Variants in HUWE1 observed in about 807,000 individuals in gnomAD.
The protein encoded by HUWE1 is HECT, UBA and WWE domain containing E3 ubiquitin protein ligase 1, also known as E3 ubiquitin-protein ligase HUWE1.
HUWE1 carries 18 observed loss-of-function variants against 299.4 expected under a neutral mutation model. The observed-to-expected ratio is 0.06, with a 90% CI of 0.04 to 0.09. The LOEUF is 0.09. Ranked by LOEUF, HUWE1 falls within the 10% of genes least tolerant of loss-of-function variation. The probability of loss-of-function intolerance (pLI) is 1.00; values close to 1 mark genes in which losing one functional copy is unlikely to be tolerated. For synonymous variants in HUWE1, 1,317 were observed against 1,286.1 expected (o/e 1.02, Z -0.51); for missense variants, 1,832 against 3,462.3 (o/e 0.53, Z 11.82).
chrX:53,669,892 A>AGTATT (rs2069431913), intron 3 of HUWE1, among the ~76,000 whole-genome samples: 1 of 112,397 alleles, frequency 8.9e-6, no homozygotes, highest in Non-Finnish European at 1.9e-5. Flanking sequence ...CTTAACTATA[A>AGTATT]TGCTAAAAGG....
chrX:53,587,008 T>C (rs879969376), intron 37 of HUWE1, 99 bp from the exon 38 acceptor site: 6 of 944,125 alleles, frequency 6.4e-6, no homozygotes, highest in East Asian at 3.2e-5. Context: ...TAAGGGTAAA[T>C]AATAATAGAA....
At position 53,580,861 on chromosome X, in the gene HUWE1, C is replaced by T. The variant is rs782329196; in HGVS notation, c.5686G>A (p.Ala1896Thr). 3.3e-6 allele frequency: 4 copies of T among 1,211,092 alleles called. No individual in the cohort carries two copies. The highest frequency in any genetic ancestry group is 4.5e-6 in the Non-Finnish European group (4 of 895,290). Reference protein sequence around the residue: ...TEVANCCIRIALPAPRGSGTA... With the variant: ...TEVANCCIRITLPAPRGSGTA... ...CCTGAGCCTCGAGGGGCAGGAAGGG[C>T]GATGCGGATACAGCAGTTGGCCACT... The change falls in exon 43 of 84, where the codon GCC becomes ACC. Residue 1896 changes from alanine (A) to threonine (T), a missense_variant. By Grantham distance (58) the Ala-to-Thr change is moderately conservative. Coordinates refer to ENST00000262854, the MANE Select transcript of HUWE1 (RefSeq NM_031407.7).
rs781887564 is a variant in HUWE1 at position 53,642,290 on chromosome X, T to G, written c.504+3021A>C. Among the ~76,000 whole-genome samples the G allele has an allele frequency of 4.5e-5, 5 of 112,263 alleles. No individual in the cohort carries two copies. The South Asian group carries it at 1.8e-3, about 41-fold the overall frequency. On this transcript the variant is annotated intron_variant, in intron 7 of 83. Transcript: ENST00000262854. Reference sequence around the variant, plus strand: ...TTTCTTGAAACTATATGTTGCATTGTGTACATCTTTTTAAGTTTCAGAAAT... The same window carrying G: ...TTTCTTGAAACTATATGTTGCATTGGGTACATCTTTTTAAGTTTCAGAAAT...
rs1238329198 is a variant in HUWE1, at chrX:53,578,789, G to A, written c.5717-1722C>T. Reference sequence around the variant, plus strand: ...ACCCCTCTGCCCGGCCAGCCGCCCCGTCTGGGAGGGAGGTGGGGGGGGGTC... The same window carrying A: ...ACCCCTCTGCCCGGCCAGCCGCCCCATCTGGGAGGGAGGTGGGGGGGGGTC... On this transcript the variant is annotated intron_variant, in intron 43 of 83. Transcript: ENST00000262854. Among the ~76,000 whole-genome samples, 27 of 66,728 alleles carry A rather than the reference G, an allele frequency of 4.0e-4. 2 individuals carry two copies. Among genetic ancestry groups the A allele is most frequent in the Non-Finnish European group, 8.3e-5 (3 of 36,190 alleles). The allele number at this position is 66,728 out of a possible 115,157, so 57.9% of individuals were successfully genotyped here.
intron 3 of HUWE1, among the ~76,000 whole-genome samples, chrX:53,679,172 A>AG (rs1291629672): frequency 1.8e-5 from 2 of 111,138 alleles, no homozygotes; most frequent in Admixed American, 1.9e-4. Context: ...ATAAATTGGA[A>AG]GAAAAAAAAA....
rs371788111 is a variant in HUWE1 at position 53,604,051 on chromosome X, G to A, written c.2742+538C>T. 3.9e-4 allele frequency among the ~76,000 whole-genome samples: 43 copies of A among 111,445 alleles called. 1 individual carries two copies. In the South Asian group the frequency reaches 0.016, roughly 40 times the overall value. On this transcript the variant is annotated intron_variant, in intron 26 of 83. Transcript: ENST00000262854. Reference sequence around the variant, plus strand: ...ACAGAGAACACACTCCTGCTCAATAGCATAAAACAGGGCTGTTGAACCCTG... The same window carrying A: ...ACAGAGAACACACTCCTGCTCAATAACATAAAACAGGGCTGTTGAACCCTG...
intron 28 of HUWE1, among the ~76,000 whole-genome samples, chrX:53,601,404 G>A (rs1322435626): frequency 9.1e-6 from 1 of 109,951 alleles, no homozygotes; most frequent in Non-Finnish European, 1.9e-5. Flanking sequence ...AGCGGGTCTC[G>A]AACTCCTGGG....
intron 60 of HUWE1, among the ~76,000 whole-genome samples, chrX:53,555,636 CTTT>C: frequency 1.3e-5 from 1 of 75,251 alleles, no homozygotes; most frequent in African/African-American, 5.1e-5. Flanking sequence ...CCTTCAAAAT[CTTT>C]TTTTTTTTTT....
At chrX:53,599,743 G>C (rs1030541749) in intron 29 of HUWE1, among the ~76,000 whole-genome samples, 1 of 112,198 alleles carries the variant, frequency 8.9e-6, no homozygotes, top group Non-Finnish European at 1.9e-5. Context: ...AGATGGAGAT[G>C]GTGGGTCAAC....
At chrX:53,648,500 T>TC (rs2068219198) in intron 4 of HUWE1, among the ~76,000 whole-genome samples, 190 bp from the exon 5 acceptor site, 1 of 101,231 alleles carries the variant, frequency 9.9e-6, no homozygotes, top group Non-Finnish European at 1.9e-5. Context: ...ATGCTTTTAT[T>TC]CCCCCAACAA....
chrX:53,629,837 T>A (rs782352185), intron 12 of HUWE1, among the ~76,000 whole-genome samples: 1 of 112,447 alleles, frequency 8.9e-6, no homozygotes, highest in South Asian at 3.6e-4. Flanking sequence ...CTAAAGGTAT[T>A]ATTAGTCTTG....
chrX:53,575,699 G>A lies in HUWE1; in HGVS notation c.5974C>T (p.Arg1992Trp), dbSNP rs782650278. 4 of 1,208,974 alleles carry A rather than the reference G, an allele frequency of 3.3e-6. No individual in the cohort carries two copies. Among genetic ancestry groups the A allele is most frequent in the African/African-American group, 1.7e-5 (1 of 57,267 alleles). ...DMGDDVYQQY[R>W]SLTRQSSDFD... Reference sequence around the variant, plus strand: ...TCACTGCTCTGACGCGTAAGTGACCGGTACTGCTGGTATACATCATCACCC... The same window carrying A: ...TCACTGCTCTGACGCGTAAGTGACCAGTACTGCTGGTATACATCATCACCC... The change falls in exon 45 of 84, where the codon CGG becomes TGG. Residue 1992 changes from arginine to tryptophan, a missense_variant. Arg to Trp is a moderately radical substitution (Grantham distance 101). Coordinates refer to ENST00000262854, the MANE Select transcript of HUWE1 (RefSeq NM_031407.7).
intron 3 of HUWE1, among the ~76,000 whole-genome samples, chrX:53,673,111 C>T (rs925640915): frequency 6.2e-5 from 7 of 112,026 alleles, no homozygotes; most frequent in Non-Finnish European, 1.1e-4. Flanking sequence ...CTCTAAAATA[C>T]TGTACAAATT....
At chrX:53,596,777 C>T (rs782057919) in intron 29 of HUWE1, among the ~76,000 whole-genome samples, 2 of 112,297 alleles carry the variant, frequency 1.8e-5, no homozygotes, top group Non-Finnish European at 1.9e-5. Flanking sequence ...TCACTAGTGA[C>T]GTTGGAAGTG....
intron 3 of HUWE1, among the ~76,000 whole-genome samples, chrX:53,661,930 G>A (rs963519000): frequency 9.0e-6 from 1 of 111,652 alleles, no homozygotes; most frequent in Admixed American, 9.5e-5. Context: ...CACTCAAAGC[G>A]TGACTCATAT....
intron 37 of HUWE1, among the ~76,000 whole-genome samples, chrX:53,588,070 C>CTT (rs1200519263): frequency 9.1e-6 from 1 of 110,395 alleles, no homozygotes; most frequent in African/African-American, 3.3e-5. Context: ...AATTTAAATA[C>CTT]TTTTTTTTTA....
Position 53,607,621 on chromosome X carries a change from A to C in HUWE1, c.2398T>G (p.Leu800Val). The C allele has an allele frequency of 8.3e-7, 1 of 1,207,130 alleles. No homozygotes were observed. Among genetic ancestry groups the C allele is most frequent in the African/African-American group, 1.7e-5 (1 of 57,804 alleles). ...AGACCCAAAATGGTAACCAAAGGCAACAGTCCTTTCTGATTCACAAATTCC... is the reference window on the plus strand; with the variant it reads ...AGACCCAAAATGGTAACCAAAGGCACCAGTCCTTTCTGATTCACAAATTCC... The part of the protein sequence containing the change: ...CQEFVNQKGL[L>V]PLVTILGLPN... Residue 800 changes from leucine to valine, a missense_variant, in exon 25 of 84, where the codon TTG becomes GTG. Transcript: ENST00000262854.
intron 78 of HUWE1, among the ~76,000 whole-genome samples, chrX:53,537,111 G>A (rs781988495): frequency 1.7e-3 from 186 of 111,388 alleles, no homozygotes; most frequent in Middle Eastern, 0.014. Flanking sequence ...ACAAGAGATG[G>A]GGAGGAATCA....
At chrX:53,635,447 C>T (rs966813406) in intron 7 of HUWE1, among the ~76,000 whole-genome samples, 2 of 110,433 alleles carry the variant, frequency 1.8e-5, no homozygotes, top group Admixed American at 1.9e-4. Flanking sequence ...GCCTGCCACA[C>T]AGCTAGGACT....
Sources: allele counts gnomAD v4.1 joint callset (sites outside exome capture counted in the v4.1 genomes callset), GRCh38; gene constraint gnomAD v4.1.1; transcripts MANE v1.5; gene names NCBI Gene and HGNC (gene_info 2026-07-23, HGNC 2026-07-21).